The following URI1 variants were observed in gnomAD, a reference collection of about 807,000 sequenced individuals.
URI1 encodes the protein unconventional prefoldin RPB5 interactor 1.
A neutral mutation model predicts 60.2 loss-of-function variants in URI1; 39 were observed. That is an observed-to-expected ratio of 0.65 (90% CI 0.50 to 0.85). The LOEUF is 0.85. Among genes scored for constraint, URI1 ranks in the 40% least tolerant of loss-of-function variants. URI1 has a pLI of 0.00. For missense variants in URI1, 691 were observed against 665.9 expected (o/e 1.04, Z -0.42); for synonymous variants, 251 against 236.8 (o/e 1.06, Z -0.55).
chr19:29,949,254 C>T (rs1320359141), intron 1 of URI1, among the ~76,000 whole-genome samples: 1 of 150,978 alleles, frequency 6.6e-6, no homozygotes, highest in African/African-American at 2.4e-5. Flanking sequence ...GGCAGAGACG[C>T]TCCTCATCTC....
chr19:30,012,397 T>C lies in URI1; in HGVS notation c.1291T>C (p.Phe431Leu). Residue 431 changes from phenylalanine to leucine, a missense_variant, in exon 10 of 11, where the codon TTT (phenylalanine) becomes CTT (leucine). Coordinates refer to ENST00000392271, the MANE Select transcript of URI1 (RefSeq NM_003796.3). ...SDTSESSAAE[F>L]DDRRGVLRSI... ...CACTAGTGAAAGCAGTGCTGCTGAA[T>C]TTGATGATAGGCGGGGAGTTTTGAG... 2 of 1,614,184 alleles carry C rather than the reference T, an allele frequency of 1.2e-6. No homozygotes were observed. Among genetic ancestry groups the C allele is most frequent in the Non-Finnish European group, 1.7e-6 (2 of 1,180,034 alleles).
intron 1 of URI1, chr19:29,956,314 C>G: frequency 9.4e-6 from 5 of 531,770 alleles, no homozygotes; most frequent in Non-Finnish European, 1.5e-5. Context: ...TTAAGAAGGT[C>G]CAAATCAATA....
intron 2 of URI1, among the ~76,000 whole-genome samples, chr19:29,972,643 C>T (rs528035633): frequency 1.3e-5 from 2 of 152,216 alleles, no homozygotes; most frequent in Non-Finnish European, 2.9e-5. Context: ...TCCTTTTATT[C>T]ACAGCCCCTA....
intron 3 of URI1, among the ~76,000 whole-genome samples, chr19:29,985,959 G>A (rs999668622): frequency 6.6e-6 from 1 of 152,058 alleles, no homozygotes; most frequent in East Asian, 1.9e-4. Flanking sequence ...TTCACTACTA[G>A]TTGCTTTCAC....
chr19:29,962,561 T>C (rs1599678382), intron 1 of URI1, among the ~76,000 whole-genome samples: 1 of 151,836 alleles, frequency 6.6e-6, no homozygotes, highest in South Asian at 2.1e-4. Flanking sequence ...TGTATTTAAT[T>C]GTTCTGTGTG....
intron 1 of URI1, among the ~76,000 whole-genome samples, chr19:29,953,343 A>T (rs933143123): frequency 3.2e-4 from 49 of 152,304 alleles, no homozygotes; most frequent in African/African-American, 1.2e-3. Context: ...GTGCTGATGA[A>T]GATTCCCTTC....
intron 1 of URI1, among the ~76,000 whole-genome samples, chr19:29,969,015 C>G (rs886653435): frequency 5.3e-5 from 8 of 151,968 alleles, no homozygotes; most frequent in Non-Finnish European, 1.2e-4. Flanking sequence ...CAAAGATAAC[C>G]TAGACATGCC....
intron 9 of URI1, among the ~76,000 whole-genome samples, chr19:30,011,564 G>A (rs535769776): frequency 1.3e-4 from 20 of 150,950 alleles, no homozygotes; most frequent in East Asian, 3.9e-4. Flanking sequence ...TACCACAGCC[G>A]TAACATGCTT....
chr19:29,978,669 T>C (rs1328954507), intron 2 of URI1, among the ~76,000 whole-genome samples: 2 of 152,150 alleles, frequency 1.3e-5, no homozygotes, highest in African/African-American at 4.8e-5. Flanking sequence ...GATTCCACTA[T>C]ACCAAAGACA....
At chr19:30,010,938 T>C (rs1327875964) in intron 8 of URI1, among the ~76,000 whole-genome samples, 156 bp from the exon 9 acceptor site, 1 of 152,192 alleles carries the variant, frequency 6.6e-6, no homozygotes, top group Non-Finnish European at 1.5e-5. Context: ...AAGGACTTTT[T>C]AAAAAATTCC....
chr19:29,980,922 CAAAAAAAA>C (rs5827686), intron 2 of URI1, among the ~76,000 whole-genome samples: 125 of 68,582 alleles, frequency 1.8e-3, no homozygotes, highest in Admixed American at 3.3e-3. Flanking sequence ...ACTCCATCTC[CAAAAAAAA>C]AAAAAAAAAA....
At chr19:30,012,659 AAAATT>A (rs1310701807) in intron 10 of URI1, 128 bp downstream of exon 10, 2 of 1,160,606 alleles carry the variant, frequency 1.7e-6, no homozygotes, top group African/African-American at 3.1e-5. Flanking sequence ...TAATTAATAA[AAAATT>A]AATAGTCACA....
At chr19:29,923,919 G>A (rs899485104) in intron 1 of URI1, among the ~76,000 whole-genome samples, 10 of 152,134 alleles carry the variant, frequency 6.6e-5, no homozygotes, top group Admixed American at 5.2e-4. Flanking sequence ...ATGGAGATTG[G>A]CCTGAGTGAT....
intron 4 of URI1, 117 bp downstream of exon 4, chr19:29,986,534 T>A (rs113984414): frequency 1.6e-6 from 2 of 1,282,430 alleles, no homozygotes; most frequent in African/African-American, 3.1e-5. Context: ...ATCCAGGCTG[T>A]TTGTGATTCT....
intron 4 of URI1, among the ~76,000 whole-genome samples, chr19:29,988,785 C>T (rs1208472922): frequency 1.3e-5 from 2 of 152,130 alleles, no homozygotes; most frequent in Non-Finnish European, 2.9e-5. Flanking sequence ...ATTTTTATTG[C>T]TGTTGGTAAA....
intron 2 of URI1, among the ~76,000 whole-genome samples, chr19:29,973,997 T>C (rs894297373): frequency 6.6e-6 from 1 of 152,190 alleles, no homozygotes; most frequent in African/African-American, 2.4e-5. Flanking sequence ...CACTGTTTGG[T>C]CCACTAGTGG....
chr19:29,935,851 G>T (rs183711547), intron 1 of URI1, among the ~76,000 whole-genome samples: 1 of 151,100 alleles, frequency 6.6e-6, no homozygotes, highest in Non-Finnish European at 1.5e-5. Context: ...AAATGGTGCC[G>T]TCTTGGCTCA....
rs1343534051 is a variant in URI1, at chr19:29,942,510, C to G, written c.-38C>G. 33 of 1,300,776 alleles carry G rather than the reference C, an allele frequency of 2.5e-5. No homozygotes were observed. Among genetic ancestry groups the G allele is most frequent in the Non-Finnish European group, 2.9e-5 (30 of 1,022,598 alleles). 80.6% of individuals were successfully genotyped at this position (1,300,776 alleles called of 1,614,324 possible). On this transcript the variant is annotated 5_prime_UTR_variant, in exon 1 of 11. Transcript: ENST00000392271. Reference sequence around the variant, plus strand: ...CGCGCCGCCTGCGCAGGCGCTGGTTCAGGACTCACACGCCGCGCTGAGGCC... The same window carrying G: ...CGCGCCGCCTGCGCAGGCGCTGGTTGAGGACTCACACGCCGCGCTGAGGCC...
At chr19:29,953,900 G>A (rs999885554) in intron 1 of URI1, among the ~76,000 whole-genome samples, 1 of 151,678 alleles carries the variant, frequency 6.6e-6, no homozygotes. Context: ...TTCCTTGGAA[G>A]GCCTCTAAGA....
Sources: gnomAD v4.1 joint callset for allele counts (sites outside exome capture counted in the v4.1 genomes callset) on GRCh38, gnomAD v4.1.1 for gene constraint, MANE v1.5 for transcripts, NCBI Gene and HGNC (gene_info 2026-07-23, HGNC 2026-07-21) for gene names.